The following IL16 variants were observed in gnomAD, a reference collection of about 807,000 sequenced individuals.
IL16 encodes the protein interleukin 16, also known as pro-interleukin-16.
A neutral mutation model predicts 110.1 loss-of-function variants in IL16; 67 were observed. The ratio of observed to expected loss-of-function variants is 0.61; its 90% CI spans 0.50 to 0.75. The LOEUF (loss-of-function observed/expected upper bound fraction) is 0.75. IL16 is among the 30% of genes least tolerant of loss of function. The probability of loss-of-function intolerance (pLI) is 0.00; values close to 1 mark genes in which losing one functional copy is unlikely to be tolerated. For synonymous variants in IL16, 689 were observed against 662.9 expected, an observed-to-expected ratio of 1.04 and a Z score of -0.61; for missense variants, 1,545 against 1,655.0, an observed-to-expected ratio of 0.93 and a Z score of 1.15.
intron 5 of IL16, among the ~76,000 whole-genome samples, chr15:81,270,849 G>A (rs4489965): frequency 6.6e-6 from 1 of 152,138 alleles, no homozygotes; most frequent in South Asian, 2.1e-4. Context: ...ATTTGATATA[G>A]AAATCCTCAT....
chr15:81,307,831 C>T (rs1434149521), intron 18 of IL16, among the ~76,000 whole-genome samples: 1 of 152,192 alleles, frequency 6.6e-6, no homozygotes, highest in East Asian at 1.9e-4. Flanking sequence ...TTCTTGGTTT[C>T]CTCAGCTGTT....
chr15:81,296,758 C>T (rs17875501), intron 12 of IL16, among the ~76,000 whole-genome samples, 170 bp from the exon 13 acceptor site: 318 of 152,310 alleles, frequency 2.1e-3, no homozygotes, highest in African/African-American at 7.4e-3. Context: ...GGTGCTGGCT[C>T]TGCCACGTCA....
chr15:81,306,344 G>C, intron 17 of IL16, 76 bp from the exon 18 acceptor site: 4 of 1,588,008 alleles, frequency 2.5e-6, no homozygotes, highest in South Asian at 1.1e-5. Flanking sequence ...TATCACCCCG[G>C]GCTCACTTGA....
chr15:81,272,943 TTAACCTC>T, intron 5 of IL16, 140 bp from the exon 6 acceptor site: 1 of 556,524 alleles, frequency 1.8e-6, no homozygotes. Context: ...GTTGTTGTTG[TTAACCTC>T]TGAGACCTCT....
At chr15:81,246,163 A>C (rs1223587583) in intron 2 of IL16, among the ~76,000 whole-genome samples, 2 of 152,156 alleles carry the variant, frequency 1.3e-5, no homozygotes, top group East Asian at 3.8e-4. Context: ...TTAAAGAAAC[A>C]GAGTGGTTTT....
At chr15:81,253,137 G>A (rs575726895) in intron 2 of IL16, among the ~76,000 whole-genome samples, 12 of 152,218 alleles carry the variant, frequency 7.9e-5, no homozygotes, top group African/African-American at 2.9e-4. Flanking sequence ...TACACTAGCA[G>A]GTATAAAGTG....
intron 16 of IL16, 147 bp from the exon 17 acceptor site, chr15:81,305,761 A>G: frequency 1.1e-6 from 1 of 934,828 alleles, no homozygotes; most frequent in Non-Finnish European, 1.6e-6. Context: ...CCTCTGTGCC[A>G]GCAGCTCCAA....
chr15:81,214,956 G>C (rs554821946), intron 1 of IL16, among the ~76,000 whole-genome samples: 2 of 152,242 alleles, frequency 1.3e-5, no homozygotes, highest in South Asian at 4.1e-4. Flanking sequence ...TTTGTAGTGA[G>C]TCTTTCAGCT....
At chr15:81,244,524 T>G (rs1374559995) in intron 2 of IL16, among the ~76,000 whole-genome samples, 1 of 152,208 alleles carries the variant, frequency 6.6e-6, no homozygotes, top group Non-Finnish European at 1.5e-5. Flanking sequence ...CACATCCTTC[T>G]GTCCTCTTTC....
intron 3 of IL16, 83 bp from the exon 4 acceptor site, chr15:81,265,576 T>A: frequency 2.7e-6 from 4 of 1,475,334 alleles, no homozygotes; most frequent in Non-Finnish European, 3.7e-6. Context: ...CCCTGGCTAA[T>A]GAGGGGCTGA....
intron 1 of IL16, among the ~76,000 whole-genome samples, chr15:81,210,457 G>A (rs1454730076): frequency 6.6e-6 from 1 of 152,154 alleles, no homozygotes. Flanking sequence ...TGAGCAGTAT[G>A]GCCATTTAAA....
chr15:81,242,971 A>G (rs1897386369), intron 2 of IL16, among the ~76,000 whole-genome samples: 1 of 151,114 alleles, frequency 6.6e-6, no homozygotes, highest in Non-Finnish European at 1.5e-5. Context: ...TGATATGATC[A>G]TGTGATTCTT....
At chr15:81,264,653 C>T (rs1013945474) in intron 3 of IL16, among the ~76,000 whole-genome samples, 2 of 152,178 alleles carry the variant, frequency 1.3e-5, no homozygotes, top group African/African-American at 2.4e-5. Context: ...GCAAACCCTG[C>T]CCCTCTCCTG....
rs140096598 is a variant in IL16, at chr15:81,234,112, C to T, written c.312+8401C>T. 3.6e-3 allele frequency among the ~76,000 whole-genome samples: 548 copies of T among 152,126 alleles called. 6 individuals carry two copies. The highest frequency in any genetic ancestry group is 8.4e-3 in the Admixed American group (129 of 15,268). ...ACCACTATCTTTTGGTGAGTGGTTG[C>T]GTGGTATATCTTTTTTCCTTCTTTA... On this transcript the variant is annotated intron_variant, in intron 2 of 18. Transcript: ENST00000683961.
At chr15:81,187,891 G>T (rs1408920007) in intron 1 of IL16, among the ~76,000 whole-genome samples, 6 of 152,188 alleles carry the variant, frequency 3.9e-5, no homozygotes, top group African/African-American at 1.4e-4. Flanking sequence ...AGGGCAACAA[G>T]GTACGGAGAG....
At chr15:81,203,838 G>GT (rs1401353219) in intron 1 of IL16, among the ~76,000 whole-genome samples, 1 of 152,156 alleles carries the variant, frequency 6.6e-6, no homozygotes, top group Non-Finnish European at 1.5e-5. Context: ...CTTTAAAGTA[G>GT]TTTTTTCCAA....
intron 2 of IL16, among the ~76,000 whole-genome samples, chr15:81,232,054 T>TTTTTTTTTTTTTTTTTTTTTTTTTTTTTG (rs1567009305): frequency 1.5e-5 from 2 of 133,538 alleles, no homozygotes; most frequent in Non-Finnish European, 3.1e-5. Context: ...TTTTTTTTTT[T>TTTTTTTTTTTTTTTTTTTTTTTTTTTTTG]TTTTTTTTTT....
chr15:81,279,273 CTCTA>C (rs941341881), intron 7 of IL16, among the ~76,000 whole-genome samples: 2 of 152,124 alleles, frequency 1.3e-5, no homozygotes, highest in African/African-American at 4.8e-5. Context: ...ATCTATCTAT[CTCTA>C]TCTATTCATC....
chr15:81,233,825 T>A (rs570930283), intron 2 of IL16, among the ~76,000 whole-genome samples: 38 of 152,164 alleles, frequency 2.5e-4, no homozygotes, highest in African/African-American at 9.1e-4. Flanking sequence ...TTCCCAATCT[T>A]TTTTAACTTT....
Sources: gnomAD v4.1 joint callset for allele counts (sites outside exome capture counted in the v4.1 genomes callset) on GRCh38, gnomAD v4.1.1 for gene constraint, MANE v1.5 for transcripts, NCBI Gene and HGNC (gene_info 2026-07-23, HGNC 2026-07-21) for gene names.